ERCC6L2: variants seen among roughly 807,000 people sequenced by gnomAD.
ERCC6L2 encodes ERCC excision repair 6 like 2, also known as DNA excision repair protein ERCC-6-like 2.
In ERCC6L2, 77 loss-of-function variants were observed where a neutral mutation model predicts 132.0. The observed-to-expected ratio is 0.58, with a 90% CI of 0.49 to 0.71. The LOEUF is 0.71. Ranked by LOEUF, ERCC6L2 falls within the 30% of genes least tolerant of loss-of-function variation. The pLI is 0.00. For missense variants in ERCC6L2, 1,542 were observed against 1,837.6 expected, an observed-to-expected ratio of 0.84 and a Z score of 2.94; for synonymous variants, 583 against 632.4, an observed-to-expected ratio of 0.92 and a Z score of 1.17.
At chr9:96,023,301 T>C (rs1834319902), downstream of ERCC6L2, among the ~76,000 whole-genome samples, 1 of 152,232 alleles carries the variant, frequency 6.6e-6, no homozygotes, top group Admixed American at 6.5e-5. Context: ...ATTGACCTAT[T>C]ATGTAATATG....
At chr9:95,945,262 T>C (rs1283871321) in intron 12 of ERCC6L2, among the ~76,000 whole-genome samples, 1 of 152,226 alleles carries the variant, frequency 6.6e-6, no homozygotes, top group Non-Finnish European at 1.5e-5. Flanking sequence ...CCATTTGCTT[T>C]TGAAAGAAGA....
At chr9:95,889,346 G>A (rs920820650) in intron 2 of ERCC6L2, among the ~76,000 whole-genome samples, 1 of 152,022 alleles carries the variant, frequency 6.6e-6, no homozygotes, top group Non-Finnish European at 1.5e-5. Flanking sequence ...GCAAATCAGT[G>A]GATTTGATCT....
At chr9:95,932,329 G>A (rs1043309402) in intron 11 of ERCC6L2, among the ~76,000 whole-genome samples, 1 of 152,104 alleles carries the variant, frequency 6.6e-6, no homozygotes, top group African/African-American at 2.4e-5. Flanking sequence ...CTCCCACAGT[G>A]CTGGGATTAT....
chr9:95,983,119 A>G (rs1832956419), intron 17 of ERCC6L2, among the ~76,000 whole-genome samples: 1 of 152,224 alleles, frequency 6.6e-6, no homozygotes, highest in South Asian at 2.1e-4. Flanking sequence ...TCTCTACAGT[A>G]GCCTGCTATT....
intron 8 of ERCC6L2, among the ~76,000 whole-genome samples, chr9:95,922,634 C>T (rs4743400): frequency 0.18 from 27,107 of 152,006 alleles, 2,500 homozygotes; most frequent in South Asian, 0.28. Context: ...ATCTTTTATG[C>T]CTTTAATAAT....
intron 2 of ERCC6L2, among the ~76,000 whole-genome samples, chr9:95,895,805 C>T (rs1198481841): frequency 6.7e-6 from 1 of 150,188 alleles, no homozygotes; most frequent in Non-Finnish European, 1.5e-5. Flanking sequence ...CGGCTCACTG[C>T]AAACTCCCTC....
At chr9:96,001,696 G>T (rs966610005) in intron 17 of ERCC6L2, among the ~76,000 whole-genome samples, 1 of 152,272 alleles carries the variant, frequency 6.6e-6, no homozygotes, top group Admixed American at 6.5e-5. Flanking sequence ...GGAGCTGCCT[G>T]CCAGTCCTGC....
At chr9:95,918,357 G>A (rs1587903957) in intron 6 of ERCC6L2, 1 of 359,760 alleles carries the variant, frequency 2.8e-6, no homozygotes, top group African/African-American at 2.1e-5. Context: ...TCTAACAGGA[G>A]GTAATCTGGG....
rs769017666 is a variant in ERCC6L2 at position 95,972,669 on chromosome 9, G to C, written c.2918G>C (p.Arg973Thr). ...ENTTLKSILK[R>T]KGTSDISDES... ...ACAACCCTGAAATCTATTTTGAAAA[G>C]AAAAGGCACCAGTGATATCAGTGAT... The change falls in exon 16 of 19, where the codon AGA (arginine) becomes ACA (threonine). Residue 973 changes from arginine to threonine, a missense_variant. By Grantham distance (71) the Arg-to-Thr change is moderately conservative (BLOSUM62 -1). This residue lies in a region of ERCC6L2 where 945 missense variants were observed against 1,105.2 expected (regional missense o/e 0.86). Transcript: ENST00000653738. 7 of 1,298,200 alleles carry C rather than the reference G, an allele frequency of 5.4e-6. No homozygotes were observed. Among genetic ancestry groups the C allele is most frequent in the Admixed American group, 2.3e-5 (1 of 43,508 alleles). 80.4% of individuals were successfully genotyped at this position (1,298,200 alleles called of 1,614,324 possible). A position where few individuals can be genotyped will look rare whatever the true frequency, so the allele number is the denominator to read the frequency against.
chr9:95,878,363 A>C (rs1001731675), intron 1 of ERCC6L2, among the ~76,000 whole-genome samples: 2 of 152,226 alleles, frequency 1.3e-5, no homozygotes, highest in African/African-American at 4.8e-5. Context: ...AAAGTGATTC[A>C]TTTTTGAAGT....
Position 95,903,584 on chromosome 9 carries a change from A to C in ERCC6L2, c.595-3494A>C, listed in dbSNP as rs151079487. Among the ~76,000 whole-genome samples the C allele has an allele frequency of 2.9e-3, 436 of 152,188 alleles. 2 individuals are homozygous for C. Among genetic ancestry groups the C allele is most frequent in the African/African-American group, 0.01 (418 of 41,566 alleles). ...GTTTGTAACTTTCTGTTTTGATAGA[A>C]TATCAAGTTTTGGCATAATGCCAAA... On this transcript the variant is annotated intron_variant, in intron 3 of 18. Coordinates refer to ENST00000653738, the MANE Select transcript of ERCC6L2 (RefSeq NM_020207.7).
intron 11 of ERCC6L2, among the ~76,000 whole-genome samples, chr9:95,933,845 C>CAAAAAAA (rs10609411): frequency 8.4e-6 from 1 of 119,504 alleles, no homozygotes; most frequent in Non-Finnish European, 1.7e-5. Context: ...GACTCTGTCT[C>CAAAAAAA]AAAAAAAAAA....
intron 17 of ERCC6L2, among the ~76,000 whole-genome samples, chr9:95,995,870 A>G (rs1016157138): frequency 6.6e-6 from 1 of 152,244 alleles, no homozygotes; most frequent in Non-Finnish European, 1.5e-5. Flanking sequence ...CTCTACAACC[A>G]GCCATTTTCC....
chr9:95,892,941 T>A (rs545255877), intron 2 of ERCC6L2, among the ~76,000 whole-genome samples: 2 of 152,372 alleles, frequency 1.3e-5, no homozygotes, highest in African/African-American at 4.8e-5. Context: ...AATTCTTATG[T>A]ATGGATTTGG....
chr9:96,023,581 C>CA (rs936262432), intron 19 of ERCC6L2, among the ~76,000 whole-genome samples: 4 of 151,564 alleles, frequency 2.6e-5, no homozygotes, highest in African/African-American at 9.7e-5. Flanking sequence ...ATATTAACAC[C>CA]AAAAAAAAGT....
At chr9:95,939,896 C>T (rs1830719795) in intron 11 of ERCC6L2, among the ~76,000 whole-genome samples, 1 of 152,050 alleles carries the variant, frequency 6.6e-6, no homozygotes, top group African/African-American at 2.4e-5. Context: ...TGTTATGAGA[C>T]TCTGCATGTG....
chr9:95,931,597 A>G (rs1480161545), intron 11 of ERCC6L2, among the ~76,000 whole-genome samples: 4 of 152,224 alleles, frequency 2.6e-5, no homozygotes, highest in South Asian at 2.1e-4. Context: ...TTGTCCAACT[A>G]TATAATTCTA....
At position 96,015,630 on chromosome 9, in the gene ERCC6L2, CT is replaced by C. The variant is rs1283661011; in HGVS notation, c.*2428del. Among the ~76,000 whole-genome samples the C allele has an allele frequency of 3.7e-5, 4 of 107,330 alleles. No individual in the cohort carries two copies. The highest frequency in any genetic ancestry group is 1.6e-4 in the African/African-American group (4 of 25,614). 70.4% of individuals were successfully genotyped at this position (107,330 alleles called of 152,430 possible). On this transcript the variant is annotated 3_prime_UTR_variant, in exon 19 of 19. Transcript: ENST00000653738. Reference sequence around the variant, plus strand: ...CTAACGCGGTGAAACCCCGTCTCTACTAAAAAAAAAAAAAATACAAAAATTA... The same window carrying C: ...CTAACGCGGTGAAACCCCGTCTCTACAAAAAAAAAAAAAATACAAAAATTA...
At chr9:95,954,706 A>T (rs1831510776) in intron 12 of ERCC6L2, 1 of 464,200 alleles carries the variant, frequency 2.2e-6, no homozygotes, top group Admixed American at 2.4e-5. Context: ...ATTTTCTTAG[A>T]TCCATTTCTG....
Sources: gnomAD v4.1 joint callset for allele counts (sites outside exome capture counted in the v4.1 genomes callset) on GRCh38, gnomAD v4.1.1 for gene constraint, gnomAD v4.1.1 regional missense constraint, MANE v1.5 for transcripts, NCBI Gene and HGNC (gene_info 2026-07-23, HGNC 2026-07-21) for gene names.